Variants in DAPP1 observed in about 807,000 individuals in gnomAD.
DAPP1 encodes dual adaptor of phosphotyrosine and 3-phosphoinositides 1.
In DAPP1, 20 loss-of-function variants were observed where a neutral mutation model predicts 41.5. The ratio of observed to expected loss-of-function variants is 0.48; its 90% confidence interval spans 0.34 to 0.70. DAPP1 has a LOEUF of 0.70. DAPP1 is among the 30% of genes least tolerant of loss of function. The pLI is 0.01. For synonymous variants in DAPP1, 113 were observed against 116.2 expected (o/e 0.97, Z 0.18); for missense variants, 233 against 333.4 (o/e 0.70, Z 2.35).
At chr4:99,830,784 CT>C (rs1723096746) in intron 1 of DAPP1, among the ~76,000 whole-genome samples, 1 of 152,130 alleles carries the variant, frequency 6.6e-6, no homozygotes. Flanking sequence ...CTCTCTTTCT[CT>C]TTCTCTCTCT....
chr4:99,817,342 T>C (rs1186591735), intron 1 of DAPP1, among the ~76,000 whole-genome samples: 1 of 152,192 alleles, frequency 6.6e-6, no homozygotes, highest in African/African-American at 2.4e-5. Context: ...TTGATGTTGC[T>C]CTGGTTTATG....
chr4:99,820,356 C>A (rs1378975149), intron 1 of DAPP1, among the ~76,000 whole-genome samples: 1 of 152,122 alleles, frequency 6.6e-6, no homozygotes, highest in Non-Finnish European at 1.5e-5. Flanking sequence ...TTGGCTTTAA[C>A]AAAGGTTACT....
At position 99,866,124 on chromosome 4, in the gene DAPP1, G is replaced by T. The variant is rs778657889; in HGVS notation, c.774+3G>T. ...TCAAGATATTACGCTGGAAATTGGT[G>T]AGAATTTTTAAGCCTTCAGATGTCA... On this transcript the variant is annotated splice_donor_region_variant and intron_variant, in intron 8 of 8. Coordinates refer to ENST00000512369, the MANE Select transcript of DAPP1 (RefSeq NM_014395.3). 1 of 1,570,838 alleles carries T rather than the reference G, an allele frequency of 6.4e-7. No individual in the cohort carries two copies. The highest frequency in any genetic ancestry group is 1.1e-5 in the South Asian group (1 of 89,592).
chr4:99,860,516 A>T (rs978310546), intron 4 of DAPP1, among the ~76,000 whole-genome samples: 16 of 152,350 alleles, frequency 1.1e-4, no homozygotes, highest in Non-Finnish European at 2.9e-5. Context: ...ATATTGATTA[A>T]TATTATTTAA....
downstream of DAPP1, among the ~76,000 whole-genome samples, chr4:99,871,549 T>C (rs931614096): frequency 6.6e-6 from 1 of 152,198 alleles, no homozygotes; most frequent in Non-Finnish European, 1.5e-5. Flanking sequence ...AAAGTTACTA[T>C]CTCAAATTGT....
intron 4 of DAPP1, among the ~76,000 whole-genome samples, chr4:99,860,956 T>C (rs1724217179): frequency 1.3e-5 from 2 of 152,208 alleles, no homozygotes; most frequent in African/African-American, 4.8e-5. Context: ...ACAACATGAG[T>C]TAAAAGAACT....
chr4:99,818,348 A>G lies in DAPP1; in HGVS notation c.101+1334A>G, dbSNP rs192687715. Among the ~76,000 whole-genome samples, 14 of 152,328 alleles carry G rather than the reference A, an allele frequency of 9.2e-5. No individual in the cohort carries two copies. In the East Asian group the frequency reaches 2.7e-3, roughly 29 times the overall value. ...AAGCTAAAGCTGAACTGTGGCCCTC[A>G]GTGTCTTATTGAACTATTAAGTTAC... On this transcript the variant is annotated intron_variant, in intron 1 of 8. Coordinates refer to ENST00000512369, the MANE Select transcript of DAPP1 (RefSeq NM_014395.3).
chr4:99,854,750 C>A (rs1357406179), intron 4 of DAPP1, among the ~76,000 whole-genome samples: 5 of 152,220 alleles, frequency 3.3e-5, no homozygotes, highest in African/African-American at 4.8e-5. Context: ...TCATTATCTT[C>A]CAGGAAGCCT....
intron 5 of DAPP1, among the ~76,000 whole-genome samples, chr4:99,862,298 T>C (rs1724266186): frequency 6.6e-6 from 1 of 152,210 alleles, no homozygotes; most frequent in Admixed American, 6.5e-5. Context: ...TTCATATTCA[T>C]AGCATATTTA....
chr4:99,823,933 G>C (rs915419997), intron 1 of DAPP1, among the ~76,000 whole-genome samples: 21 of 152,164 alleles, frequency 1.4e-4, no homozygotes, highest in African/African-American at 5.1e-4. Flanking sequence ...TTCTGCTTTT[G>C]TGTATGTTTT....
intron 8 of DAPP1, chr4:99,866,641 C>A: frequency 1.3e-6 from 1 of 762,144 alleles, no homozygotes; most frequent in Non-Finnish European, 2.4e-6. Context: ...AAAACTTCAC[C>A]AATCTTCTAC....
intron 2 of DAPP1, among the ~76,000 whole-genome samples, chr4:99,836,039 TCAA>T (rs937367041): frequency 2.0e-5 from 3 of 152,172 alleles, no homozygotes; most frequent in African/African-American, 7.2e-5. Context: ...ACCTCAAAAA[TCAA>T]CAATAGAAAC....
At chr4:99,867,679 G>A (rs1379768208) in intron 8 of DAPP1, among the ~76,000 whole-genome samples, 1 of 152,174 alleles carries the variant, frequency 6.6e-6, no homozygotes, top group East Asian at 1.9e-4. Context: ...ACTAAAAAAT[G>A]TTACAATAAT....
At chr4:99,843,776 T>C (rs1415833061) in intron 3 of DAPP1, among the ~76,000 whole-genome samples, 1 of 152,240 alleles carries the variant, frequency 6.6e-6, no homozygotes, top group Non-Finnish European at 1.5e-5. Context: ...CACTAGTGTG[T>C]GAACTCCATG....
chr4:99,866,421 G>T (rs1023170144), intron 8 of DAPP1: 17 of 685,758 alleles, frequency 2.5e-5, no homozygotes. Flanking sequence ...GTCTGGAGGG[G>T]GACATTTAGA....
chr4:99,862,615 G>C (rs1724277357), intron 5 of DAPP1, among the ~76,000 whole-genome samples: 1 of 152,024 alleles, frequency 6.6e-6, no homozygotes, highest in Non-Finnish European at 1.5e-5. Context: ...CTTTATTATA[G>C]AGTTAATAAA....
At chr4:99,840,533 T>C (rs1723460288) in intron 3 of DAPP1, 111 bp downstream of exon 3, 9 of 1,247,620 alleles carry the variant, frequency 7.2e-6, no homozygotes, top group Non-Finnish European at 1.0e-5. Flanking sequence ...TTCAGCATTA[T>C]CTTGAAGAGA....
intron 2 of DAPP1, among the ~76,000 whole-genome samples, chr4:99,839,414 A>C (rs931942519): frequency 1.3e-5 from 2 of 149,002 alleles, no homozygotes; most frequent in African/African-American, 4.9e-5. Flanking sequence ...ATAGATATAT[A>C]TATAGATATA....
At chr4:99,843,682 CTTGCT>C (rs1053213643) in intron 3 of DAPP1, among the ~76,000 whole-genome samples, 152 of 152,328 alleles carry the variant, frequency 1.0e-3, no homozygotes, top group African/African-American at 3.0e-3. Flanking sequence ...AATGTACTCT[CTTGCT>C]TTATTTTTCT....
Sources: allele counts gnomAD v4.1 joint callset (sites outside exome capture counted in the v4.1 genomes callset), GRCh38; gene constraint gnomAD v4.1.1; transcripts MANE v1.5; gene names NCBI Gene and HGNC (gene_info 2026-07-23, HGNC 2026-07-21).